EPHX2: variants seen among roughly 807,000 people sequenced by gnomAD.
The protein encoded by EPHX2 is bifunctional epoxide hydrolase 2.
In EPHX2, 74 loss-of-function variants were observed where a neutral mutation model predicts 78.7. That is an observed-to-expected ratio of 0.94 (90% confidence interval 0.78 to 1.14). The LOEUF (loss-of-function observed/expected upper bound fraction) is 1.14. Ranked by LOEUF, EPHX2 falls within the 50% of genes most tolerant of loss-of-function variation. The pLI, the probability that EPHX2 is intolerant of heterozygous loss-of-function variation, is 0.00. For missense variants in EPHX2, 715 were observed against 702.5 expected (o/e 1.02, Z -0.20); for synonymous variants, 251 against 255.2 (o/e 0.98, Z 0.16).
chr8:27,512,235 T>C (rs1814279407), intron 6 of EPHX2: 1 of 316,286 alleles, frequency 3.2e-6, no homozygotes, highest in African/African-American at 2.2e-5. Flanking sequence ...AGACCCTGTC[T>C]CGGATTCTAT....
In EPHX2 at chr8:27,507,449, C is replaced by A. The variant is rs72475815; in HGVS notation, c.660+455C>A. ...TCCCTGAGGTGGTTGGGACAGCCAT[C>A]ATGATGTCCCTGGGGTTGCCTGGGG... On this transcript the variant is annotated intron_variant, in intron 5 of 18. Transcript: ENST00000521400. 6.0e-4 allele frequency among the ~76,000 whole-genome samples: 92 copies of A among 152,302 alleles called. 3 individuals carry two copies. The East Asian group carries it at 0.011, about 19-fold the overall frequency.
At chr8:27,525,896 C>T (rs551632849) in intron 12 of EPHX2, among the ~76,000 whole-genome samples, 3 of 152,286 alleles carry the variant, frequency 2.0e-5, no homozygotes, top group Non-Finnish European at 2.9e-5. Context: ...ACACGTGCCA[C>T]AAAGATGCCT....
chr8:27,495,957 C>T (rs2132707021), intron 1 of EPHX2, among the ~76,000 whole-genome samples: 1 of 152,322 alleles, frequency 6.6e-6, no homozygotes, highest in East Asian at 1.9e-4. Flanking sequence ...TGTTTGCCCT[C>T]TGGGTCTCCT....
At chr8:27,541,384 C>T (rs1410445586) in intron 15 of EPHX2, 89 bp from the exon 16 acceptor site, 2 of 1,373,876 alleles carry the variant, frequency 1.5e-6, no homozygotes, top group Non-Finnish European at 2.1e-6. Flanking sequence ...CCCAGGACGA[C>T]TGGCTGTGCA....
chr8:27,501,417 T>TCTTC (rs1176530590), intron 2 of EPHX2, among the ~76,000 whole-genome samples: 1 of 143,818 alleles, frequency 7.0e-6, no homozygotes, highest in African/African-American at 2.6e-5. Context: ...CTTTCTTCTT[T>TCTTC]TTCTGAGACA....
intron 1 of EPHX2, chr8:27,492,692 A>G (rs1813424515): frequency 1.2e-5 from 2 of 166,370 alleles, no homozygotes; most frequent in Non-Finnish European, 1.3e-5. Context: ...GTCCTCTCCC[A>G]TGTTCCATTT....
At chr8:27,518,101 C>G in intron 9 of EPHX2, 29 bp downstream of exon 9, 1 of 1,585,346 alleles carries the variant, frequency 6.3e-7, no homozygotes, top group Non-Finnish European at 8.6e-7. Flanking sequence ...AACATCTTCC[C>G]CATCCTGCGA....
chr8:27,512,419 G>A (rs1814286802), intron 6 of EPHX2, among the ~76,000 whole-genome samples: 1 of 152,232 alleles, frequency 6.6e-6, no homozygotes, highest in Non-Finnish European at 1.5e-5. Flanking sequence ...CAGATACAAG[G>A]GGTGCAGTGA....
chr8:27,529,951 A>C (rs1814977575), intron 12 of EPHX2, among the ~76,000 whole-genome samples: 2 of 152,098 alleles, frequency 1.3e-5, no homozygotes, highest in Admixed American at 6.5e-5. Flanking sequence ...CCAGAAGAGA[A>C]ACTAAGGATC....
chr8:27,547,949 A>G (rs927906741), downstream of EPHX2, among the ~76,000 whole-genome samples: 2 of 152,210 alleles, frequency 1.3e-5, no homozygotes, highest in Admixed American at 6.5e-5. Context: ...TACAAAGGGA[A>G]TAGATTACAA....
chr8:27,504,890 G>T, intron 3 of EPHX2, 66 bp from the exon 4 acceptor site: 1 of 1,551,824 alleles, frequency 6.4e-7, no homozygotes, highest in Non-Finnish European at 8.8e-7. Flanking sequence ...AGTCCCTTGG[G>T]GGTATCTGGA....
Position 27,525,453 on chromosome 8 carries a change from C to T in EPHX2, c.1150C>T (p.Gln384Ter), listed in dbSNP as rs865892135. 2 of 1,613,922 alleles carry T rather than the reference C, an allele frequency of 1.2e-6. No individual in the cohort carries two copies. Among genetic ancestry groups the T allele is most frequent in the South Asian group, 1.1e-5 (1 of 91,082 alleles). Residue 384 changes from glutamine (Q) to a stop codon, truncating the protein, a stop_gained, in exon 12 of 19, where the codon CAG becomes TAG. Transcript: ENST00000521400. LOFTEE classifies it high-confidence loss of function. ...CAAAGCCAACCCAGTATTTGATTACCAGCTCTACTTCCAAGAACCAGTAAG... is the reference window on the plus strand; with the variant it reads ...CAAAGCCAACCCAGTATTTGATTACTAGCTCTACTTCCAAGAACCAGTAAG... ...SIKANPVFDY[Q>*]LYFQEPGVAE...
intron 10 of EPHX2, 125 bp downstream of exon 10, chr8:27,521,034 G>T: frequency 3.7e-6 from 4 of 1,074,976 alleles, no homozygotes; most frequent in Non-Finnish European, 5.7e-6. Context: ...GCAGTTTAGG[G>T]CAGAGTGGGC....
chr8:27,526,472 A>G (rs1371932099), intron 12 of EPHX2, among the ~76,000 whole-genome samples: 1 of 152,160 alleles, frequency 6.6e-6, no homozygotes, highest in Non-Finnish European at 1.5e-5. Context: ...CCTGAATGAA[A>G]GCACAATGTC....
At chr8:27,510,839 C>T (rs1814213025) in intron 5 of EPHX2, among the ~76,000 whole-genome samples, 1 of 151,898 alleles carries the variant, frequency 6.6e-6, no homozygotes. Context: ...GTCCCAGCTA[C>T]TTAGGAGGCT....
At position 27,506,985 on chromosome 8, in the gene EPHX2, C is replaced by T. The variant is rs199740457; in HGVS notation, c.651C>T (p.Thr217=). The T allele has an allele frequency of 1.3e-4, 217 of 1,613,782 alleles. No homozygotes were observed. The highest frequency in any genetic ancestry group is 1.7e-4 in the Middle Eastern group (1 of 5,922). ...DTALKELEKV[T]GIQLLNTPAP... ...CCCTGAAAGAACTGGAGAAAGTGAC[C>T]GGAATCCAGGTAACTTGACTTCTGA... Residue 217 remains threonine, a synonymous_variant, in exon 5 of 19, where the codon ACC becomes ACT. Coordinates refer to ENST00000521400, the MANE Select transcript of EPHX2 (RefSeq NM_001979.6).
At chr8:27,500,703 G>A (rs1372768376) in intron 1 of EPHX2, among the ~76,000 whole-genome samples, 1 of 152,208 alleles carries the variant, frequency 6.6e-6, no homozygotes, top group Non-Finnish European at 1.5e-5. Context: ...CCCATGGGCA[G>A]CTTCTCTGTG....
chr8:27,515,910 G>C, intron 7 of EPHX2, 97 bp downstream of exon 7: 1 of 1,045,612 alleles, frequency 9.6e-7, no homozygotes. Flanking sequence ...GCTGAAACCT[G>C]ACAGTGGAGC....
intron 1 of EPHX2, among the ~76,000 whole-genome samples, chr8:27,497,244 C>T (rs953197692): frequency 3.3e-5 from 5 of 152,312 alleles, no homozygotes; most frequent in Admixed American, 1.3e-4. Context: ...TTGGATCATC[C>T]GGTTGGGGGC....
Sources: allele counts gnomAD v4.1 joint callset (sites outside exome capture counted in the v4.1 genomes callset), GRCh38; gene constraint gnomAD v4.1.1; transcripts MANE v1.5; gene names NCBI Gene and HGNC (gene_info 2026-07-23, HGNC 2026-07-21).